IL1R1: variants seen among roughly 807,000 people sequenced by gnomAD.
IL1R1 encodes interleukin 1 receptor type 1, also known as interleukin-1 receptor type 1.
A neutral mutation model predicts 50.2 loss-of-function variants in IL1R1; 22 were observed. The ratio of observed to expected loss-of-function variants is 0.44; its 90% CI spans 0.31 to 0.63. IL1R1 has a LOEUF of 0.63. Among genes scored for constraint, IL1R1 ranks in the 20% least tolerant of loss-of-function variants. The pLI, the probability that IL1R1 is intolerant of heterozygous loss-of-function variation, is 0.07. For missense variants in IL1R1, 509 were observed against 676.2 expected, an observed-to-expected ratio of 0.75 and a Z score of 2.74; for synonymous variants, 251 against 236.7, an observed-to-expected ratio of 1.06 and a Z score of -0.55.
At chr2:102,157,673 G>A in intron 2 of IL1R1, 46 bp from the exon 3 acceptor site, 1 of 1,274,490 alleles carries the variant, frequency 7.8e-7, no homozygotes, top group Non-Finnish European at 1.1e-6. Context: ...TGCTGGAAAA[G>A]TAACATTTTT....
intron 6 of IL1R1, among the ~76,000 whole-genome samples, chr2:102,167,450 T>G (rs972129805): frequency 6.4e-5 from 9 of 141,254 alleles, no homozygotes; most frequent in East Asian, 6.2e-4. Flanking sequence ...GTGTTTTTTT[T>G]TTTTTTTTTT....
intron 1 of IL1R1, among the ~76,000 whole-genome samples, chr2:102,093,292 T>G (rs755169094): frequency 1.3e-5 from 2 of 152,192 alleles, no homozygotes; most frequent in Non-Finnish European, 2.9e-5. Context: ...TAGCTTATGT[T>G]ATTGAGAAAG....
At chr2:102,100,783 T>C (rs1350324853), upstream of IL1R1, among the ~76,000 whole-genome samples, 2 of 152,154 alleles carry the variant, frequency 1.3e-5, no homozygotes, top group Non-Finnish European at 2.9e-5. Context: ...AAGCTGTCTG[T>C]CTGGAGGTAT....
At chr2:102,078,987 T>C (rs1679096427) in intron 1 of IL1R1, among the ~76,000 whole-genome samples, 1 of 152,240 alleles carries the variant, frequency 6.6e-6, no homozygotes, top group Middle Eastern at 3.4e-3. Context: ...AAGGATGGAA[T>C]TGCATAATCA....
chr2:102,118,498 C>T (rs535054172), intron 1 of IL1R1, among the ~76,000 whole-genome samples: 3 of 152,154 alleles, frequency 2.0e-5, no homozygotes, highest in African/African-American at 7.2e-5. Context: ...TACAGCTGGT[C>T]AGTCAGACAT....
rs1488338035 is a variant in IL1R1 at position 102,142,795 on chromosome 2, G to C, written c.-309G>C. 1.4e-5 allele frequency: 2 copies of C among 148,062 alleles called. No individual in the cohort carries two copies. Among genetic ancestry groups the C allele is most frequent in the East Asian group, 2.0e-4 (1 of 5,082 alleles). The allele number at this position is 148,062 out of a possible 1,614,324, so 9.2% of individuals were successfully genotyped here. A position where few individuals can be genotyped will look rare whatever the true frequency, so the allele number is the denominator to read the frequency against. ...CAGCTTGTGGCCGGCGGCCGGAGCC[G>C]ACTCGGAGCGCGCGGCGCCGGCCGG... On this transcript the variant is annotated 5_prime_UTR_variant, in exon 1 of 12. Coordinates refer to ENST00000410023, the MANE Select transcript of IL1R1 (RefSeq NM_000877.4).
In IL1R1 at chr2:102,176,972, A is replaced by T; in HGVS notation, c.*213A>T. ...AGTAGAGGGCTTGGGAAGATCTTTTAAAAAGGCAGTAGGCCCGGTGTGGTG... is the reference window on the plus strand; with the variant it reads ...AGTAGAGGGCTTGGGAAGATCTTTTTAAAAGGCAGTAGGCCCGGTGTGGTG... On this transcript the variant is annotated 3_prime_UTR_variant, in exon 12 of 12. Coordinates refer to ENST00000410023, the MANE Select transcript of IL1R1 (RefSeq NM_000877.4). The T allele has an allele frequency of 1.1e-5, 6 of 541,864 alleles. No individual in the cohort carries two copies. In the East Asian group the frequency reaches 1.2e-4, roughly 11 times the overall value. 33.6% of individuals were successfully genotyped at this position (541,864 alleles called of 1,614,324 possible).
rs1490812532 is a variant in IL1R1, at chr2:102,174,813, T to TA, written c.1135+84dup. On this transcript the variant is annotated intron_variant, in intron 10 of 11. Coordinates refer to ENST00000410023, the MANE Select transcript of IL1R1 (RefSeq NM_000877.4). ...TGTAGAAGATGACTAAGAGGGTTTT[T>TA]ACTAAGAGGGTTTCTAAAATGAAAA... The TA allele has an allele frequency of 1.6e-5, 18 of 1,138,008 alleles. 1 individual carries two copies. The East Asian group carries it at 3.3e-4, about 21-fold the overall frequency. The allele number at this position is 1,138,008 out of a possible 1,614,324, so 70.5% of individuals were successfully genotyped here.
intron 1 of IL1R1, among the ~76,000 whole-genome samples, chr2:102,145,862 A>T (rs766681396): frequency 1.8e-4 from 28 of 152,224 alleles, no homozygotes; most frequent in Non-Finnish European, 3.7e-4. Flanking sequence ...AAAGCCCCCC[A>T]GGTAGCCAAG....
intron 1 of IL1R1, among the ~76,000 whole-genome samples, chr2:102,126,279 A>G (rs1034926564): frequency 1.3e-5 from 2 of 152,248 alleles, no homozygotes; most frequent in Non-Finnish European, 2.9e-5. Context: ...TGAGCTATAC[A>G]CAGAGAAGTC....
At chr2:102,161,723 A>G (rs924728289) in intron 3 of IL1R1, among the ~76,000 whole-genome samples, 2 of 151,742 alleles carry the variant, frequency 1.3e-5, no homozygotes, top group Non-Finnish European at 2.9e-5. Context: ...TTTTGGGACA[A>G]AAGTCTCTCT....
At chr2:102,109,899 TC>T (rs1680649388) in intron 1 of IL1R1, among the ~76,000 whole-genome samples, 1 of 152,194 alleles carries the variant, frequency 6.6e-6, no homozygotes, top group South Asian at 2.1e-4. Context: ...GCGACTTATC[TC>T]CCTTTTCTTT....
Position 102,166,145 on chromosome 2 carries a change from C to G in IL1R1, c.519C>G (p.His173Gln), listed in dbSNP as rs189938542. The G allele has an allele frequency of 3.1e-5, 50 of 1,613,822 alleles. No individual in the cohort carries two copies. Among genetic ancestry groups the G allele is most frequent in the Non-Finnish European group, 3.2e-5 (38 of 1,179,848 alleles). ...DCKPLLLDNIHFSGVKDRLIV... is the reference protein window; with the variant it reads ...DCKPLLLDNIQFSGVKDRLIV... ...AACCTCTACTTCTTGACAATATACA[C>G]TTTAGTGGAGTCAAAGATAGGCTCA... Residue 173 changes from histidine (H) to glutamine (Q), a missense_variant, in exon 6 of 12, where the codon CAC becomes CAG. By Grantham distance (24) the His-to-Gln change is conservative (BLOSUM62 0). Coordinates refer to ENST00000410023, the MANE Select transcript of IL1R1 (RefSeq NM_000877.4).
chr2:102,133,180 C>A (rs188960227), intron 1 of IL1R1, among the ~76,000 whole-genome samples: 1 of 145,140 alleles, frequency 6.9e-6, no homozygotes, highest in Non-Finnish European at 1.5e-5. Flanking sequence ...GGAGGCGGAG[C>A]TTGCAGTGAG....
intron 6 of IL1R1, among the ~76,000 whole-genome samples, chr2:102,168,111 G>A (rs1685358872): frequency 6.6e-6 from 1 of 152,050 alleles, no homozygotes; most frequent in Non-Finnish European, 1.5e-5. Context: ...AATTTCTGGG[G>A]CTTCTTGATA....
At chr2:102,084,918 C>G (rs1354463042) in intron 1 of IL1R1, among the ~76,000 whole-genome samples, 1 of 152,222 alleles carries the variant, frequency 6.6e-6, no homozygotes, top group Admixed American at 6.5e-5. Context: ...TATTCATTTT[C>G]ACCATTCTGG....
chr2:102,098,016 A>C (rs1317569547), intron 1 of IL1R1, among the ~76,000 whole-genome samples: 3 of 152,124 alleles, frequency 2.0e-5, no homozygotes, highest in Admixed American at 2.0e-4. Flanking sequence ...TCTTAAAATG[A>C]AATAAAATTA....
upstream of IL1R1, among the ~76,000 whole-genome samples, chr2:102,102,041 C>A (rs2104338908): frequency 6.6e-6 from 1 of 152,236 alleles, no homozygotes; most frequent in Non-Finnish European, 1.5e-5. Flanking sequence ...CAGATTCCTC[C>A]AATTTTTCTC....
intron 1 of IL1R1, among the ~76,000 whole-genome samples, chr2:102,078,562 T>TCACACACACA (rs35407722): frequency 1.1e-3 from 112 of 104,098 alleles, no homozygotes; most frequent in African/African-American, 3.3e-3. Context: ...TCAAAAAACT[T>TCACACACACA]CACACACACA....
Sources: gnomAD v4.1 joint callset for allele counts (sites outside exome capture counted in the v4.1 genomes callset) on GRCh38, gnomAD v4.1.1 for gene constraint, MANE v1.5 for transcripts, NCBI Gene and HGNC (gene_info 2026-07-23, HGNC 2026-07-21) for gene names.